ZC4H2: variants seen among roughly 807,000 people sequenced by gnomAD.
ZC4H2 encodes zinc finger C4H2-type containing, also known as zinc finger C4H2 domain-containing protein.
For synonymous variants in ZC4H2, 84 were observed against 66.3 expected (o/e 1.27, Z -1.30); for missense variants, 137 against 173.9 (o/e 0.79, Z 1.19).
intron 4 of ZC4H2, chrX:64,918,494 T>C (rs1410439126): frequency 8.8e-6 from 1 of 113,811 alleles, no homozygotes; most frequent in African/African-American, 3.2e-5. Context: ...TACCAATTGA[T>C]TAGGACCCAG....
intron 1 of ZC4H2, among the ~76,000 whole-genome samples, chrX:64,924,837 G>A (rs1929360236): frequency 9.0e-6 from 1 of 110,935 alleles, no homozygotes; most frequent in African/African-American, 3.3e-5. Context: ...TAAAACTAGG[G>A]AGGTTGACAG....
At chrX:64,954,888 C>G (rs1361595607) in intron 1 of ZC4H2, among the ~76,000 whole-genome samples, 1 of 111,400 alleles carries the variant, frequency 9.0e-6, no homozygotes, top group Non-Finnish European at 1.9e-5. Context: ...CGGTCTAAGT[C>G]AAATTACCTA....
At chrX:64,974,736 A>C (rs953040525) in intron 1 of ZC4H2, among the ~76,000 whole-genome samples, 1 of 110,379 alleles carries the variant, frequency 9.1e-6, no homozygotes, top group Non-Finnish European at 1.9e-5. Context: ...GGTAGAAGTC[A>C]TGGTTCTCCA....
At chrX:64,933,258 T>C (rs1013599053) in intron 1 of ZC4H2, among the ~76,000 whole-genome samples, 87 of 111,608 alleles carry the variant, frequency 7.8e-4, no homozygotes, top group African/African-American at 2.6e-3. Context: ...AAATTTTAAT[T>C]ATATCCTGAT....
At chrX:64,970,955 A>G (rs193236970) in intron 1 of ZC4H2, among the ~76,000 whole-genome samples, 67 of 112,351 alleles carry the variant, frequency 6.0e-4, no homozygotes, top group Non-Finnish European at 1.1e-3. Flanking sequence ...ACAGAGACAC[A>G]GTAAGAAATG....
chrX:64,986,998 G>A (rs1185822017), intron 1 of ZC4H2, among the ~76,000 whole-genome samples: 3 of 103,640 alleles, frequency 2.9e-5, no homozygotes, highest in African/African-American at 1.1e-4. Flanking sequence ...CGCGATCTAG[G>A]CAAACTGCAA....
chrX:64,938,892 C>T (rs1930139702), intron 1 of ZC4H2, among the ~76,000 whole-genome samples: 1 of 112,165 alleles, frequency 8.9e-6, no homozygotes, highest in African/African-American at 3.2e-5. Context: ...CATGGATGCC[C>T]TCTCTCACCA....
rs1044797640 is a variant in ZC4H2, at chrX:64,952,287, C to G, written c.53+24038G>C. Among the ~76,000 whole-genome samples the G allele has an allele frequency of 4.6e-5, 5 of 109,129 alleles. No individual in the cohort carries two copies. The Admixed American group carries it at 4.9e-4, about 11-fold the overall frequency. 94.8% of individuals were successfully genotyped at this position (109,129 alleles called of 115,157 possible). A position where few individuals can be genotyped will look rare whatever the true frequency, so the allele number is the denominator to read the frequency against. On this transcript the variant is annotated intron_variant, in intron 1 of 4. Coordinates refer to ENST00000374839, the MANE Select transcript of ZC4H2 (RefSeq NM_018684.4). ...TAGGATTGACTTGGCAATGCAGGCT[C>G]TTTTTTGGTTCCATATGAACTTTCA... is the stretch of plus-strand genomic sequence containing the variant.
intron 1 of ZC4H2, among the ~76,000 whole-genome samples, chrX:64,986,979 G>C (rs1355638421): frequency 2.1e-5 from 2 of 97,209 alleles, no homozygotes; most frequent in African/African-American, 8.2e-5. Flanking sequence ...CCAGGCTGCA[G>C]TGCAGTGGCG....
intron 1 of ZC4H2, among the ~76,000 whole-genome samples, chrX:65,011,935 C>T (rs1389688741): frequency 6.4e-5 from 7 of 109,256 alleles, no homozygotes; most frequent in African/African-American, 2.3e-4. Context: ...AGGATGGTCT[C>T]GATCTCTTGA....
chrX:64,974,633 C>T (rs1000041241), intron 1 of ZC4H2, among the ~76,000 whole-genome samples: 12 of 111,483 alleles, frequency 1.1e-4, no homozygotes, highest in Non-Finnish European at 2.1e-4. Context: ...TTTGTTACTG[C>T]TGTTTAGAGG....
chrX:65,018,637 CT>C (rs34913522), intron 1 of ZC4H2, among the ~76,000 whole-genome samples: 1,957 of 106,889 alleles, frequency 0.018, 56 homozygotes, highest in African/African-American at 0.064. Flanking sequence ...GTTGCAGGAG[CT>C]TTTTTTTTTC....
chrX:65,033,475 T>C lies in ZC4H2; in HGVS notation c.-272+1154A>G, dbSNP rs566238233. ...TGTCTAAGCACTTTATAGATCTAGA[T>C]GTGTCTCAGAAAAGGTAAAAACTGG... On this transcript the variant is annotated intron_variant, in intron 1 of 4. Transcript: ENST00000337990. 9.8e-5 allele frequency among the ~76,000 whole-genome samples: 11 copies of C among 112,110 alleles called. No individual in the cohort carries two copies. In the South Asian group the frequency reaches 3.3e-3, roughly 34 times the overall value.
At chrX:64,920,511 G>A (rs1331401369) in intron 2 of ZC4H2, among the ~76,000 whole-genome samples, 1 of 111,903 alleles carries the variant, frequency 8.9e-6, no homozygotes, top group African/African-American at 3.3e-5. Flanking sequence ...CAGTAAATGG[G>A]CTAAATTAAT....
At chrX:65,006,514 C>T (rs1200314316) in intron 1 of ZC4H2, among the ~76,000 whole-genome samples, 1 of 103,627 alleles carries the variant, frequency 9.6e-6, no homozygotes, top group Non-Finnish European at 2.0e-5. Flanking sequence ...AACAATGAGA[C>T]CACTTGGAGA....
chrX:65,017,220 G>C (rs1389717567), intron 1 of ZC4H2, among the ~76,000 whole-genome samples: 1 of 111,929 alleles, frequency 8.9e-6, no homozygotes, highest in Non-Finnish European at 1.9e-5. Context: ...GAAGACCCAT[G>C]AGTTCTACCC....
At chrX:64,976,295 G>A (rs1327675306) in intron 1 of ZC4H2, 30 bp downstream of exon 1, 2 of 1,204,683 alleles carry the variant, frequency 1.7e-6, no homozygotes, top group Non-Finnish European at 2.2e-6. Context: ...GGTTGGAGAG[G>A]GGCGGGGAGG....
intron 1 of ZC4H2, among the ~76,000 whole-genome samples, chrX:64,946,580 T>TAC (rs1450710591): frequency 1.1e-4 from 5 of 43,821 alleles, no homozygotes; most frequent in African/African-American, 4.7e-4. Flanking sequence ...TTTAAATGCG[T>TAC]GCACACACAC....
At chrX:65,018,174 A>C (rs1932809924) in intron 1 of ZC4H2, among the ~76,000 whole-genome samples, 1 of 112,804 alleles carries the variant, frequency 8.9e-6, no homozygotes, top group African/African-American at 3.2e-5. Context: ...ACATGAACAG[A>C]CACTTCTCAA....
Sources: allele counts gnomAD v4.1 joint callset (sites outside exome capture counted in the v4.1 genomes callset), GRCh38; gene constraint gnomAD v4.1.1; transcripts MANE v1.5; gene names NCBI Gene and HGNC (gene_info 2026-07-23, HGNC 2026-07-21).